ST6GALNAC3: variants seen among roughly 807,000 people sequenced by gnomAD.
ST6GALNAC3 encodes the protein alpha-N-acetylgalactosaminide alpha-2,6-sialyltransferase 3.
ST6GALNAC3 carries 25 observed loss-of-function variants against 32.7 expected under a neutral mutation model. The observed-to-expected ratio is 0.76, with a 90% confidence interval of 0.56 to 1.07. The LOEUF (loss-of-function observed/expected upper bound fraction) is 1.07. Among genes scored for constraint, ST6GALNAC3 ranks in the 50% least tolerant of loss-of-function variants. ST6GALNAC3 has a pLI of 0.00. For missense variants in ST6GALNAC3, 355 were observed against 382.4 expected, an observed-to-expected ratio of 0.93 and a Z score of 0.60; for synonymous variants, 129 against 133.1, an observed-to-expected ratio of 0.97 and a Z score of 0.21.
intron 1 of ST6GALNAC3, chr1:76,309,881 C>A: frequency 4.5e-6 from 2 of 448,776 alleles, no homozygotes; most frequent in Non-Finnish European, 9.0e-6. Flanking sequence ...ACATGAGAGG[C>A]AGACATGGGT....
chr1:76,413,383 A>C (rs888950596), intron 3 of ST6GALNAC3, among the ~76,000 whole-genome samples: 1 of 152,190 alleles, frequency 6.6e-6, no homozygotes, highest in African/African-American at 2.4e-5. Context: ...ATCATGGATA[A>C]ATTGAGCATC....
chr1:76,279,577 G>A (rs1011642449), intron 1 of ST6GALNAC3, among the ~76,000 whole-genome samples: 1 of 152,220 alleles, frequency 6.6e-6, no homozygotes, highest in Non-Finnish European at 1.5e-5. Context: ...GCTTGTCAGA[G>A]GCAGTAGTGG....
intron 3 of ST6GALNAC3, among the ~76,000 whole-genome samples, chr1:76,522,426 T>C (rs546441360): frequency 1.1e-4 from 17 of 152,290 alleles, no homozygotes; most frequent in African/African-American, 3.4e-4. Flanking sequence ...GTTACATATA[T>C]GTGATGCAAT....
chr1:76,521,330 T>C (rs191080927), intron 3 of ST6GALNAC3, among the ~76,000 whole-genome samples: 5 of 150,584 alleles, frequency 3.3e-5, no homozygotes, highest in East Asian at 1.9e-4. Flanking sequence ...TACATGCATA[T>C]ACACACACAC....
chr1:76,495,910 T>A (rs963074957), intron 3 of ST6GALNAC3, among the ~76,000 whole-genome samples: 1 of 152,074 alleles, frequency 6.6e-6, no homozygotes, highest in Non-Finnish European at 1.5e-5. Flanking sequence ...TCCAATTGAG[T>A]TTTGAGTTTA....
intron 1 of ST6GALNAC3, among the ~76,000 whole-genome samples, chr1:76,120,681 G>C (rs11587725): frequency 0.1 from 15,596 of 152,124 alleles, 1,074 homozygotes; most frequent in Non-Finnish European, 0.14. Context: ...TAGCTAATGG[G>C]CACCTCAAAT....
At chr1:76,174,348 G>T (rs1043179922) in intron 1 of ST6GALNAC3, among the ~76,000 whole-genome samples, 10 of 152,076 alleles carry the variant, frequency 6.6e-5, no homozygotes, top group African/African-American at 2.4e-4. Flanking sequence ...GAACTTACAG[G>T]ATAGGTCAAT....
intron 2 of ST6GALNAC3, among the ~76,000 whole-genome samples, chr1:76,387,659 T>A (rs1652202247): frequency 6.6e-6 from 1 of 152,130 alleles, no homozygotes; most frequent in Non-Finnish European, 1.5e-5. Context: ...GAAAAATAAT[T>A]ATTTTGTCTT....
intron 1 of ST6GALNAC3, among the ~76,000 whole-genome samples, chr1:76,158,817 GTGAAC>G (rs1651633385): frequency 1.3e-5 from 2 of 152,212 alleles, no homozygotes; most frequent in Non-Finnish European, 2.9e-5. Context: ...GCTTTGTAAT[GTGAAC>G]CATACACTCC....
chr1:76,457,000 C>T (rs1657861693), intron 3 of ST6GALNAC3, among the ~76,000 whole-genome samples: 1 of 151,802 alleles, frequency 6.6e-6, no homozygotes. Context: ...GCAACTTCAG[C>T]AAAGTCTCAG....
intron 3 of ST6GALNAC3, among the ~76,000 whole-genome samples, chr1:76,487,434 C>T (rs1243614370): frequency 2.6e-5 from 4 of 152,146 alleles, no homozygotes; most frequent in Admixed American, 6.6e-5. Flanking sequence ...TCTTTTTGCT[C>T]TCTTTTCTCT....
intron 3 of ST6GALNAC3, among the ~76,000 whole-genome samples, chr1:76,543,376 T>G (rs897590517): frequency 6.6e-6 from 1 of 152,196 alleles, no homozygotes; most frequent in Non-Finnish European, 1.5e-5. Flanking sequence ...TGGTTTAGGA[T>G]CTTGTCTTTC....
At chr1:76,418,481 G>A (rs1395841217) in intron 3 of ST6GALNAC3, among the ~76,000 whole-genome samples, 1 of 152,026 alleles carries the variant, frequency 6.6e-6, no homozygotes, top group Non-Finnish European at 1.5e-5. Context: ...CCGAAGAAAT[G>A]CCATACCTAG....
chr1:76,574,816 T>G (rs1015220318), intron 3 of ST6GALNAC3, among the ~76,000 whole-genome samples: 1 of 152,026 alleles, frequency 6.6e-6, no homozygotes, highest in African/African-American at 2.4e-5. Flanking sequence ...TGTGGAAGAA[T>G]GGGTTGTTAG....
intron 1 of ST6GALNAC3, among the ~76,000 whole-genome samples, chr1:76,102,235 T>TTGTGTGTGTGTGTGTG (rs60454163): frequency 2.7e-5 from 4 of 147,426 alleles, no homozygotes; most frequent in African/African-American, 7.6e-5. Flanking sequence ...CCTGGTGTGT[T>TTGTGTGTGTGTGTGTG]TGTGTGTGTG....
Position 76,149,689 on chromosome 1 carries a change from T to C in ST6GALNAC3, c.18+74805T>C, listed in dbSNP as rs953855577. On this transcript the variant is annotated intron_variant, in intron 1 of 4. Transcript: ENST00000328299. ...TATTCCATTGTTCCATTGTGTATTT[T>C]TATCACATTGTGTATTCATATTTCT... 2.6e-5 allele frequency among the ~76,000 whole-genome samples: 4 copies of C among 152,364 alleles called. No individual in the cohort carries two copies. In the East Asian group the frequency reaches 5.8e-4, roughly 22 times the overall value.
At chr1:76,377,172 A>G (rs1036451853) in intron 2 of ST6GALNAC3, among the ~76,000 whole-genome samples, 3 of 152,214 alleles carry the variant, frequency 2.0e-5, no homozygotes, top group Non-Finnish European at 4.4e-5. Context: ...GAAATCTTGA[A>G]TAAGAAGAAA....
intron 3 of ST6GALNAC3, among the ~76,000 whole-genome samples, chr1:76,505,079 A>G (rs776731546): frequency 3.9e-5 from 6 of 152,104 alleles, no homozygotes; most frequent in Non-Finnish European, 8.8e-5. Flanking sequence ...GGTACCTAGT[A>G]GAAGCATTAT....
intron 1 of ST6GALNAC3, among the ~76,000 whole-genome samples, chr1:76,263,750 G>A (rs1344247270): frequency 1.3e-5 from 2 of 152,110 alleles, no homozygotes; most frequent in African/African-American, 2.4e-5. Context: ...CCTGGCAGTC[G>A]CCATGTTCTT....
Sources: allele counts gnomAD v4.1 joint callset (sites outside exome capture counted in the v4.1 genomes callset), GRCh38; gene constraint gnomAD v4.1.1; transcripts MANE v1.5; gene names NCBI Gene and HGNC (gene_info 2026-07-23, HGNC 2026-07-21).